Variants in MBNL1 observed in about 807,000 individuals in gnomAD.
MBNL1 encodes the protein muscleblind like splicing regulator 1, also known as muscleblind-like protein 1.
A neutral mutation model predicts 42.2 loss-of-function variants in MBNL1; 8 were observed. The ratio of observed to expected loss-of-function variants is 0.19; its 90% CI spans 0.11 to 0.34. The LOEUF (loss-of-function observed/expected upper bound fraction) is 0.34, where lower values mean the gene tolerates loss of function less well. Among genes scored for constraint, MBNL1 ranks in the 10% least tolerant of loss-of-function variants. The pLI is 1.00. For missense variants in MBNL1, 309 were observed against 495.3 expected (o/e 0.62, Z 3.57); for synonymous variants, 169 against 173.9 (o/e 0.97, Z 0.22).
Position 152,299,955 on chromosome 3 carries a change from T to C in MBNL1, c.-239T>C, listed in dbSNP as rs888545251. On this transcript the variant is annotated 5_prime_UTR_variant, in exon 2 of 10. Transcript: ENST00000324210. The stretch of plus-strand genomic sequence containing the variant: ...TCTACTTACAATCCTAGTATTTCTC[T>C]AAAAACCAAAACCTCTTTGAATTAA... The C allele has an allele frequency of 4.1e-6, 2 of 485,376 alleles. No individual in the cohort carries two copies. The highest frequency in any genetic ancestry group is 3.9e-5 in the Admixed American group (1 of 25,410). 30.1% of individuals were successfully genotyped at this position (485,376 alleles called of 1,614,324 possible).
chr3:152,386,999 T>C (rs2097461229), intron 2 of MBNL1, among the ~76,000 whole-genome samples: 1 of 152,076 alleles, frequency 6.6e-6, no homozygotes, highest in South Asian at 2.1e-4. Context: ...GTTGTAAAAA[T>C]AGATTAAGTA....
intron 2 of MBNL1, among the ~76,000 whole-genome samples, chr3:152,314,488 G>GC (rs1318957130): frequency 6.6e-6 from 1 of 151,772 alleles, no homozygotes; most frequent in Non-Finnish European, 1.5e-5. Flanking sequence ...CGATTCTCCT[G>GC]CCTCAGCCTC....
intron 4 of MBNL1, among the ~76,000 whole-genome samples, chr3:152,438,561 G>A (rs2099108336): frequency 1.3e-5 from 2 of 152,176 alleles, no homozygotes; most frequent in Admixed American, 1.3e-4. Flanking sequence ...ACCTAAAGGA[G>A]TGGTTTTCAT....
At chr3:152,326,342 G>A (rs1015345484) in intron 2 of MBNL1, among the ~76,000 whole-genome samples, 1 of 152,064 alleles carries the variant, frequency 6.6e-6, no homozygotes. Flanking sequence ...GGAAGGTTCT[G>A]TATACTTTCT....
Position 152,251,020 on chromosome 3 carries a change from C to T in MBNL1, n.333+6580C>T, listed in dbSNP as rs374844080. On this transcript the variant is annotated intron_variant and non_coding_transcript_variant, in intron 2 of 2. Transcript: ENST00000477171. ...TCAAGTGGGCTTCATCCCTGGGATG[C>T]AAGGCTGGTTCAATATACGCAAATC... Among the ~76,000 whole-genome samples, 3 of 152,128 alleles carry T rather than the reference C, an allele frequency of 2.0e-5. No individual in the cohort carries two copies. In the East Asian group the frequency reaches 5.8e-4, roughly 29 times the overall value.
chr3:152,297,173 C>G (rs1023887610), intron 1 of MBNL1, among the ~76,000 whole-genome samples: 10 of 151,100 alleles, frequency 6.6e-5, no homozygotes, highest in African/African-American at 2.2e-4. Flanking sequence ...ATTCTCAAGG[C>G]ATGAAATCAT....
At chr3:152,325,793 C>T (rs1350315093) in intron 2 of MBNL1, among the ~76,000 whole-genome samples, 3 of 143,522 alleles carry the variant, frequency 2.1e-5, no homozygotes, top group African/African-American at 2.6e-5. Context: ...TGAACTCATT[C>T]TTTTTTTTTT....
intron 2 of MBNL1, among the ~76,000 whole-genome samples, chr3:152,319,504 A>G (rs1230320218): frequency 1.3e-5 from 2 of 151,910 alleles, no homozygotes; most frequent in African/African-American, 2.4e-5. Flanking sequence ...GGAAAATGGC[A>G]TCATTGACAC....
chr3:152,364,021 C>T (rs1298540526), intron 2 of MBNL1, among the ~76,000 whole-genome samples: 6 of 152,008 alleles, frequency 3.9e-5, no homozygotes, highest in Non-Finnish European at 8.8e-5. Context: ...TATATTTCAC[C>T]AAAACCTTTT....
chr3:152,426,365 TAATC>T (rs1162047770), intron 3 of MBNL1, among the ~76,000 whole-genome samples: 2 of 152,058 alleles, frequency 1.3e-5, no homozygotes, highest in Non-Finnish European at 2.9e-5. Flanking sequence ...AAATCAAAAA[TAATC>T]AAAAAAATAA....
chr3:152,389,209 C>T (rs7612610), intron 2 of MBNL1, among the ~76,000 whole-genome samples: 25,507 of 152,068 alleles, frequency 0.17, 2,360 homozygotes, highest in East Asian at 0.26. Context: ...CGGCCTCAGC[C>T]TCCAGAGTAG....
chr3:152,393,056 C>T (rs752124369), intron 2 of MBNL1, among the ~76,000 whole-genome samples: 5 of 152,092 alleles, frequency 3.3e-5, no homozygotes, highest in Non-Finnish European at 7.4e-5. Flanking sequence ...AATCTCTTGC[C>T]AAGATGCCTC....
intron 2 of MBNL1, among the ~76,000 whole-genome samples, chr3:152,345,218 C>T (rs146000807): frequency 2.8e-4 from 42 of 152,172 alleles, no homozygotes; most frequent in African/African-American, 9.6e-4. Context: ...TTAAACTCAT[C>T]GTAAAACCCT....
At chr3:152,371,705 G>A (rs913253782) in intron 2 of MBNL1, among the ~76,000 whole-genome samples, 2 of 152,178 alleles carry the variant, frequency 1.3e-5, no homozygotes, top group East Asian at 3.8e-4. Context: ...TGGATAACCC[G>A]ACCTTTCTCT....
rs190107262 is a variant in MBNL1, at chr3:152,396,369, G to T, written c.175-18572G>T. On this transcript the variant is annotated intron_variant, in intron 2 of 9. Coordinates refer to ENST00000324210, the MANE Select transcript of MBNL1 (RefSeq NM_021038.5). ...CCAGGGAAGAATTGTCTTCCACGAG[G>T]CTGATCCCTGGTGCCAAAAAGGTTG... 13 of 162,174 alleles carry T rather than the reference G, an allele frequency of 8.0e-5. No individual in the cohort carries two copies. In the East Asian group the frequency reaches 2.2e-3, roughly 27 times the overall value. 10.0% of individuals were successfully genotyped at this position (162,174 alleles called of 1,614,324 possible).
intron 6 of MBNL1, among the ~76,000 whole-genome samples, chr3:152,448,267 G>C (rs902997332): frequency 2.0e-5 from 3 of 152,136 alleles, no homozygotes; most frequent in African/African-American, 7.2e-5. Flanking sequence ...GCATCAATCA[G>C]TACACTGTTT....
chr3:152,307,084 C>T (rs745417559), intron 2 of MBNL1, among the ~76,000 whole-genome samples: 2 of 152,000 alleles, frequency 1.3e-5, no homozygotes, highest in East Asian at 1.9e-4. Flanking sequence ...TCGCCTCCCA[C>T]GTTCAAGCAA....
intron 2 of MBNL1, among the ~76,000 whole-genome samples, chr3:152,410,268 A>G (rs1399210178): frequency 6.6e-6 from 1 of 152,162 alleles, no homozygotes; most frequent in Non-Finnish European, 1.5e-5. Flanking sequence ...AAATTATAGC[A>G]GTTTGAAAGA....
intron 4 of MBNL1, among the ~76,000 whole-genome samples, chr3:152,442,411 T>C (rs940746597): frequency 3.9e-5 from 6 of 152,202 alleles, no homozygotes; most frequent in African/African-American, 1.4e-4. Flanking sequence ...CAATTATTTT[T>C]AAAAATGTGT....
Sources: allele counts gnomAD v4.1 joint callset (sites outside exome capture counted in the v4.1 genomes callset), GRCh38; gene constraint gnomAD v4.1.1; transcripts MANE v1.5; gene names NCBI Gene and HGNC (gene_info 2026-07-23, HGNC 2026-07-21).